EVA1C: variants seen among roughly 807,000 people sequenced by gnomAD.
EVA1C encodes eva-1 homolog C, also known as protein eva-1 homolog C.
EVA1C carries 25 observed loss-of-function variants against 45.4 expected under a neutral mutation model. The ratio of observed to expected loss-of-function variants is 0.55; its 90% CI spans 0.40 to 0.77. The LOEUF is 0.77. Among genes scored for constraint, EVA1C ranks in the 30% least tolerant of loss-of-function variants. The pLI is 0.00. For missense variants in EVA1C, 479 were observed against 554.8 expected (o/e 0.86, Z 1.37); for synonymous variants, 190 against 221.2 (o/e 0.86, Z 1.25).
intron 4 of EVA1C, among the ~76,000 whole-genome samples, chr21:32,475,416 G>A (rs193096350): frequency 2.0e-5 from 3 of 148,184 alleles, no homozygotes; most frequent in African/African-American, 7.5e-5. Flanking sequence ...ACAGAAATGA[G>A]AAAAGGATTC....
At chr21:32,421,888 T>C (rs2034285950) in intron 1 of EVA1C, among the ~76,000 whole-genome samples, 1 of 151,690 alleles carries the variant, frequency 6.6e-6, no homozygotes, top group South Asian at 2.1e-4. Context: ...TACTAAAAAA[T>C]ACAAAAATTA....
chr21:32,453,860 G>A (rs1163261291), intron 2 of EVA1C, among the ~76,000 whole-genome samples: 1 of 152,208 alleles, frequency 6.6e-6, no homozygotes, highest in African/African-American at 2.4e-5. Flanking sequence ...TGTAGAAAGG[G>A]AAGGTAGGTT....
At chr21:32,433,554 C>T (rs200904174) in intron 1 of EVA1C, among the ~76,000 whole-genome samples, 2 of 136,038 alleles carry the variant, frequency 1.5e-5, no homozygotes, top group Admixed American at 1.5e-4. Flanking sequence ...AGAAACATCG[C>T]GTTGTTGTGG....
chr21:32,435,945 A>G (rs2034930345), intron 1 of EVA1C, among the ~76,000 whole-genome samples: 1 of 152,304 alleles, frequency 6.6e-6, no homozygotes, highest in Non-Finnish European at 1.5e-5. Context: ...ATTGGACTCA[A>G]ATGTGGAATC....
At chr21:32,491,334 G>A (rs2037145958) in intron 4 of EVA1C, among the ~76,000 whole-genome samples, 1 of 152,066 alleles carries the variant, frequency 6.6e-6, no homozygotes, top group Non-Finnish European at 1.5e-5. Context: ...GTTCTGAGGA[G>A]TCGGACTTGG....
intron 7 of EVA1C, among the ~76,000 whole-genome samples, chr21:32,504,291 C>T (rs574498536): frequency 1.8e-4 from 27 of 152,272 alleles, no homozygotes; most frequent in African/African-American, 6.3e-4. Context: ...AGTAGAAACC[C>T]GAGGAATGCA....
intron 5 of EVA1C, among the ~76,000 whole-genome samples, chr21:32,496,310 T>C (rs1193422761): frequency 6.6e-6 from 1 of 152,244 alleles, no homozygotes; most frequent in East Asian, 1.9e-4. Context: ...GGTTCGTACA[T>C]GTTGTAGCAT....
In EVA1C at chr21:32,483,624, C is replaced by T. The variant is rs73903337; in HGVS notation, c.635-11403C>T. Among the ~76,000 whole-genome samples, 842 of 152,288 alleles carry T rather than the reference C, an allele frequency of 5.5e-3. 10 individuals carry two copies. Among genetic ancestry groups the T allele is most frequent in the African/African-American group, 0.019 (780 of 41,558 alleles). ...TCACTGCTTCCTAATGCCCTTGGAG[C>T]ATCCTTTCTCAGCATAGATTCGATC... On this transcript the variant is annotated intron_variant, in intron 4 of 7. Transcript: ENST00000300255.
At chr21:32,488,142 A>C (rs2037035443) in intron 4 of EVA1C, among the ~76,000 whole-genome samples, 1 of 152,232 alleles carries the variant, frequency 6.6e-6, no homozygotes, top group African/African-American at 2.4e-5. Context: ...TTAATATTCA[A>C]ATATGCAAGG....
rs3180414 is a variant in EVA1C at position 32,503,936 on chromosome 21, C to T, written c.870C>T (p.Phe290=). The change falls in exon 7 of 8, where the codon TTC becomes TTT. Residue 290 remains phenylalanine (F), a synonymous_variant. Transcript: ENST00000300255. ...KQKDGEYGIN[F]DPSGSKVLRK... is the part of the protein sequence containing the mutation. ...TTTTTCATGAAACAGGTATAAACTTCGACCCAAGCGGATCGAAGGTTCTGA... is the reference window on the plus strand; with the variant it reads ...TTTTTCATGAAACAGGTATAAACTTTGACCCAAGCGGATCGAAGGTTCTGA... 8.9e-3 allele frequency: 14,342 copies of T among 1,609,670 alleles called. 107 individuals carry two copies. Among genetic ancestry groups the T allele is most frequent in the African/African-American group, 0.025 (1,905 of 74,792 alleles).
intron 4 of EVA1C, among the ~76,000 whole-genome samples, chr21:32,481,749 AG>A (rs1203625130): frequency 2.0e-5 from 3 of 152,204 alleles, no homozygotes; most frequent in Non-Finnish European, 4.4e-5. Flanking sequence ...AAGTCACAAA[AG>A]CTTGAAACGT....
At chr21:32,416,162 G>A (rs1041520926) in intron 1 of EVA1C, among the ~76,000 whole-genome samples, 2 of 151,826 alleles carry the variant, frequency 1.3e-5, no homozygotes, top group Non-Finnish European at 2.9e-5. Flanking sequence ...GTTTCAGTGT[G>A]TCTCTTGTAT....
At chr21:32,463,282 C>G (rs796849411) in intron 3 of EVA1C, among the ~76,000 whole-genome samples, 3 of 152,312 alleles carry the variant, frequency 2.0e-5, no homozygotes, top group African/African-American at 7.2e-5. Context: ...CTGCCATCCT[C>G]CCCATCTAAA....
At chr21:32,424,711 G>A (rs1038066309) in intron 1 of EVA1C, among the ~76,000 whole-genome samples, 7 of 152,174 alleles carry the variant, frequency 4.6e-5, no homozygotes, top group African/African-American at 1.4e-4. Context: ...AACTGGTCAC[G>A]GCAGGCTGTG....
At chr21:32,436,540 A>G (rs1233084256) in intron 1 of EVA1C, among the ~76,000 whole-genome samples, 1 of 152,302 alleles carries the variant, frequency 6.6e-6, no homozygotes, top group Non-Finnish European at 1.5e-5. Flanking sequence ...GAATCAGATG[A>G]GTAGAAAAGG....
rs1042877629 is a variant in EVA1C, at chr21:32,412,869, C to G, written c.16C>G (p.Arg6Gly). 6.7e-7 allele frequency: 1 copy of G among 1,494,982 alleles called. No individual in the cohort carries two copies. The highest frequency in any genetic ancestry group is 8.9e-7 in the Non-Finnish European group (1 of 1,128,186). 92.6% of individuals were successfully genotyped at this position (1,494,982 alleles called of 1,614,324 possible). MLLPG[R>G]ARQPPTPQPV... ...GCAGCGCACGATGCTTCTGCCGGGA[C>G]GCGCACGCCAACCGCCGACGCCCCA... Residue 6 changes from arginine to glycine, a missense_variant, in exon 1 of 8, where the codon CGC (arginine) becomes GGC (glycine). By Grantham distance (125) the Arg-to-Gly change is moderately radical. Transcript: ENST00000300255.
At chr21:32,441,100 C>T (rs2035158488) in intron 1 of EVA1C, among the ~76,000 whole-genome samples, 1 of 152,014 alleles carries the variant, frequency 6.6e-6, no homozygotes, top group Non-Finnish European at 1.5e-5. Flanking sequence ...GAAACTCCCT[C>T]TCAAAAAAAA....
Position 32,493,741 on chromosome 21 carries a change from T to C in EVA1C, c.635-1286T>C, listed in dbSNP as rs1481348660. On this transcript the variant is annotated intron_variant, in intron 4 of 7. Coordinates refer to ENST00000300255, the MANE Select transcript of EVA1C (RefSeq NM_058187.5). ...TATTGCAAATCCTGTGAAAGGATGC[T>C]TTCATCTGGGTAAAAAGCAAGGTAG... The C allele has an allele frequency of 3.3e-5, 5 of 152,258 alleles. No individual in the cohort carries two copies. In the East Asian group the frequency reaches 9.6e-4, roughly 29 times the overall value. The allele number at this position is 152,258 out of a possible 1,614,324, so 9.4% of individuals were successfully genotyped here.
intron 4 of EVA1C, chr21:32,468,154 G>A (rs1301724377): frequency 1.9e-5 from 3 of 154,084 alleles, no homozygotes; most frequent in Admixed American, 1.3e-4. Context: ...GGTGGATCAC[G>A]AGGTCAGAAG....
Sources: gnomAD v4.1 joint callset for allele counts (sites outside exome capture counted in the v4.1 genomes callset) on GRCh38, gnomAD v4.1.1 for gene constraint, MANE v1.5 for transcripts, NCBI Gene and HGNC (gene_info 2026-07-23, HGNC 2026-07-21) for gene names.